CEP120: variants seen among roughly 807,000 people sequenced by gnomAD.
CEP120 encodes centrosomal protein of 120 kDa.
Under a neutral mutation model 126.5 loss-of-function variants are expected in CEP120, and 113 were observed. The ratio of observed to expected loss-of-function variants is 0.89; its 90% CI spans 0.77 to 1.04. The LOEUF (loss-of-function observed/expected upper bound fraction) is 1.04, where lower values mean the gene tolerates loss of function less well. Among genes scored for constraint, CEP120 ranks in the 50% least tolerant of loss-of-function variants. CEP120 has a pLI of 0.00. For synonymous variants in CEP120, 400 were observed against 394.3 expected (o/e 1.01, Z -0.17); for missense variants, 1,230 against 1,155.7 (o/e 1.06, Z -0.93).
intron 5 of CEP120, among the ~76,000 whole-genome samples, chr5:123,397,374 C>T (rs1337431030): frequency 6.6e-6 from 1 of 152,032 alleles, no homozygotes; most frequent in Non-Finnish European, 1.5e-5. Flanking sequence ...GGTAACAACA[C>T]AGTAAAAATA....
At chr5:123,422,619 C>G (rs1393118554) in intron 1 of CEP120, 1 of 1,351,748 alleles carries the variant, frequency 7.4e-7, no homozygotes, top group Middle Eastern at 1.8e-4. Flanking sequence ...TATTGGGAAC[C>G]GCTGATCAGA....
intron 3 of CEP120, among the ~76,000 whole-genome samples, chr5:123,412,929 CT>C (rs2127127930): frequency 6.6e-6 from 1 of 152,176 alleles, no homozygotes; most frequent in South Asian, 2.1e-4. Flanking sequence ...TAAATTATAC[CT>C]TTTCTTTCTG....
chr5:123,387,217 T>C (rs567588872), intron 9 of CEP120, among the ~76,000 whole-genome samples: 316 of 152,320 alleles, frequency 2.1e-3, no homozygotes, highest in Non-Finnish European at 3.7e-3. Context: ...AATGTTCATT[T>C]AAATTTAATC....
In CEP120 at chr5:123,412,505, G is replaced by A; in HGVS notation, c.357C>T (p.Tyr119=). 6.2e-7 allele frequency: 1 copy of A among 1,610,270 alleles called. No individual in the cohort carries two copies. The highest frequency in any genetic ancestry group is 8.5e-7 in the Non-Finnish European group (1 of 1,178,176). ...PKWYQLLSNK[Y]TKFKSEIQIS... ...TCTGTATCTCAGACTTGAATTTGGT[G>A]TATTTATTACTCAGCAACTGGTACC... is the stretch of plus-strand genomic sequence containing the variant. The change falls in exon 4 of 20, where the codon TAC becomes TAT. Residue 119 remains tyrosine, a synonymous_variant. Coordinates refer to ENST00000306467, the MANE Select transcript of CEP120 (RefSeq NM_001375405.1).
intron 4 of CEP120, among the ~76,000 whole-genome samples, chr5:123,410,905 T>C (rs1025943507): frequency 1.3e-5 from 2 of 152,158 alleles, no homozygotes; most frequent in African/African-American, 4.8e-5. Context: ...ATAAGCCACA[T>C]ACTGGGAAAA....
At chr5:123,378,621 CT>C (rs1189718249) in intron 14 of CEP120, among the ~76,000 whole-genome samples, 193 bp from the exon 15 acceptor site, 3 of 151,992 alleles carry the variant, frequency 2.0e-5, no homozygotes, top group Non-Finnish European at 2.9e-5. Context: ...GTCATATTTC[CT>C]CCTCTTGGTC....
chr5:123,397,012 T>C (rs76635985), intron 5 of CEP120, among the ~76,000 whole-genome samples: 5,419 of 152,240 alleles, frequency 0.036, 323 homozygotes, highest in African/African-American at 0.12. Flanking sequence ...CTAAGGAGGA[T>C]AAAAGTATTA....
At chr5:123,413,319 A>G (rs1187631285) in intron 3 of CEP120, among the ~76,000 whole-genome samples, 1 of 151,952 alleles carries the variant, frequency 6.6e-6, no homozygotes, top group Non-Finnish European at 1.5e-5. Flanking sequence ...AAGAAAAAAG[A>G]AAATCTTATT....
At position 123,356,742 on chromosome 5, in the gene CEP120, T is replaced by TTA. The variant is rs1276953666; in HGVS notation, c.2581-6655_2581-6654dup. ...TCAACTTCAGATAATGCAACATACT[T>TTA]TAAACATTTCACTCTCTCTCTTTGT... On this transcript the variant is annotated intron_variant, in intron 18 of 19. Transcript: ENST00000306467. Among the ~76,000 whole-genome samples, 8 of 151,902 alleles carry TTA rather than the reference T, an allele frequency of 5.3e-5. No individual in the cohort carries two copies. The South Asian group carries it at 8.3e-4, about 16-fold the overall frequency.
At chr5:123,397,338 T>A (rs1357541181) in intron 5 of CEP120, among the ~76,000 whole-genome samples, 2 of 151,800 alleles carry the variant, frequency 1.3e-5, no homozygotes, top group Admixed American at 6.6e-5. Flanking sequence ...AAAATAAAAA[T>A]AAAAAATAAA....
chr5:123,390,214 G>T (rs1207417497), intron 7 of CEP120, 74 bp from the exon 8 acceptor site: 5 of 1,096,872 alleles, frequency 4.6e-6, no homozygotes, highest in South Asian at 4.2e-5. Flanking sequence ...ACTTGGCATT[G>T]TTTTTTAAAA....
chr5:123,348,761 C>A (rs188536830), intron 19 of CEP120, among the ~76,000 whole-genome samples: 1 of 152,182 alleles, frequency 6.6e-6, no homozygotes, highest in Admixed American at 6.5e-5. Flanking sequence ...TGGAAATGGA[C>A]CTTTGGGAGA....
chr5:123,406,485 A>G (rs995235392), intron 4 of CEP120, among the ~76,000 whole-genome samples: 35 of 151,728 alleles, frequency 2.3e-4, no homozygotes, highest in Non-Finnish European at 1.3e-4. Context: ...CAAACGGGAA[A>G]AAAAAAATCT....
chr5:123,388,607 C>T lies in CEP120; in HGVS notation c.1256-1G>A. The T allele has an allele frequency of 1.3e-6, 2 of 1,559,314 alleles. No individual in the cohort carries two copies. The highest frequency in any genetic ancestry group is 1.7e-6 in the Non-Finnish European group (2 of 1,157,686). On this transcript the variant is annotated splice_acceptor_variant, in intron 8 of 19. Transcript: ENST00000306467. LOFTEE classifies it high-confidence loss of function. Reference sequence around the variant, plus strand: ...AGTGAAGCAGGTACAGAAGAACTGGCTGAAATGAACATAAAATAAAACAAA... The same window carrying T: ...AGTGAAGCAGGTACAGAAGAACTGGTTGAAATGAACATAAAATAAAACAAA...
rs1409576380 is a variant in CEP120 at position 123,423,332 on chromosome 5, C to T, written c.-334G>A. ...CAAACGCCCGGGCGGCCGCAGCGGC[C>T]GCCGCCGCGCCCAGCTTCCGCCTAG... On this transcript the variant is annotated 5_prime_UTR_variant, in exon 1 of 20. Coordinates refer to ENST00000306467, the MANE Select transcript of CEP120 (RefSeq NM_001375405.1). The T allele has an allele frequency of 2.9e-6, 1 of 341,686 alleles. No homozygotes were observed. The highest frequency in any genetic ancestry group is 2.2e-5 in the African/African-American group (1 of 45,466). 21.2% of individuals were successfully genotyped at this position (341,686 alleles called of 1,614,324 possible).
At chr5:123,401,325 G>T (rs1773218148) in intron 4 of CEP120, 1 of 1,602,710 alleles carries the variant, frequency 6.2e-7, no homozygotes. Context: ...TCTCCACACT[G>T]CTCGGCATCT....
rs540588956 is a variant in CEP120 at position 123,376,304 on chromosome 5, G to C, written c.2358+1070C>G. On this transcript the variant is annotated intron_variant, in intron 16 of 19. Coordinates refer to ENST00000306467, the MANE Select transcript of CEP120 (RefSeq NM_001375405.1). ...ACTGAAGGAGGAACAGAGTACACCA[G>C]GCCCAGATAATGCAGCAAACATGAA... Among the ~76,000 whole-genome samples, 36 of 152,144 alleles carry C rather than the reference G, an allele frequency of 2.4e-4. 1 individual carries two copies. The highest frequency in any genetic ancestry group is 8.7e-4 in the African/African-American group (36 of 41,522).
At chr5:123,348,867 T>C (rs1044569863) in intron 19 of CEP120, among the ~76,000 whole-genome samples, 1 of 152,118 alleles carries the variant, frequency 6.6e-6, no homozygotes, top group Non-Finnish European at 1.5e-5. Flanking sequence ...AGTGAGAAGG[T>C]GGGTCTCTAA....
rs1280840475 is a variant in CEP120 at position 123,382,848 on chromosome 5, T to C, written c.1902A>G (p.Pro634=). Residue 634 remains proline, a synonymous_variant, in exon 13 of 20, where the codon CCA becomes CCG. Coordinates refer to ENST00000306467, the MANE Select transcript of CEP120 (RefSeq NM_001375405.1). Reference sequence around the variant, plus strand: ...TCTGGATCTCTGAAGGACAAGGTGCTGGAGGAAGAGAAGACGGCTTTTGCT... The same window carrying C: ...TCTGGATCTCTGAAGGACAAGGTGCCGGAGGAAGAGAAGACGGCTTTTGCT... ...AVQQKPSSLP[P]APCPSEIQTE... The C allele has an allele frequency of 6.2e-7, 1 of 1,613,438 alleles. No individual in the cohort carries two copies. The highest frequency in any genetic ancestry group is 8.5e-7 in the Non-Finnish European group (1 of 1,179,656).
Sources: allele counts gnomAD v4.1 joint callset (sites outside exome capture counted in the v4.1 genomes callset), GRCh38; gene constraint gnomAD v4.1.1; transcripts MANE v1.5; gene names NCBI Gene and HGNC (gene_info 2026-07-23, HGNC 2026-07-21).